Variants in ANKRD13C observed in about 807,000 individuals in gnomAD.
ANKRD13C encodes ankyrin repeat domain-containing protein 13C.
A neutral mutation model predicts 65.5 loss-of-function variants in ANKRD13C; 16 were observed. That is an observed-to-expected ratio of 0.24 (90% CI 0.17 to 0.37). ANKRD13C has a LOEUF of 0.37. ANKRD13C is among the 10% of genes least tolerant of loss of function. The probability of loss-of-function intolerance (pLI) is 1.00; values close to 1 mark genes in which losing one functional copy is unlikely to be tolerated. For synonymous variants in ANKRD13C, 235 were observed against 238.7 expected, an observed-to-expected ratio of 0.98 and a Z score of 0.14; for missense variants, 503 against 655.9, an observed-to-expected ratio of 0.77 and a Z score of 2.55.
intron 12 of ANKRD13C, 129 bp downstream of exon 12, chr1:70,270,727 C>T (rs1037833641): frequency 4.8e-6 from 3 of 620,336 alleles, no homozygotes; most frequent in African/African-American, 3.7e-5. Context: ...GTGCACCCCA[C>T]TCCTAAAAGG....
chr1:70,264,473 C>T (rs1157569664), intron 12 of ANKRD13C, among the ~76,000 whole-genome samples: 1 of 87,778 alleles, frequency 1.1e-5, no homozygotes, highest in Non-Finnish European at 2.1e-5. Context: ...AAGACTCTAT[C>T]TCAAAAAAAA....
intron 12 of ANKRD13C, among the ~76,000 whole-genome samples, chr1:70,264,804 A>C (rs762868774): frequency 4.4e-4 from 67 of 152,160 alleles, no homozygotes; most frequent in Non-Finnish European, 9.3e-4. Context: ...AAAATAAAGC[A>C]TGACAGTAGA....
intron 12 of ANKRD13C, among the ~76,000 whole-genome samples, chr1:70,264,381 C>T (rs150477232): frequency 0.017 from 2,477 of 141,898 alleles, 51 homozygotes; most frequent in African/African-American, 0.048. Context: ...AAGGCTGAGG[C>T]GGGAGAATCG....
chr1:70,302,177 C>T (rs1206302402), intron 6 of ANKRD13C, among the ~76,000 whole-genome samples: 4 of 151,942 alleles, frequency 2.6e-5, no homozygotes, highest in Non-Finnish European at 5.9e-5. Flanking sequence ...ATTAATAAAT[C>T]TAAGAATGAA....
chr1:70,276,920 T>C, intron 9 of ANKRD13C, 76 bp from the exon 10 acceptor site: 1 of 1,163,856 alleles, frequency 8.6e-7, no homozygotes, highest in South Asian at 1.4e-5. Context: ...AAGATTAAAA[T>C]ACATCGTAAA....
chr1:70,267,444 A>G (rs1678678944), intron 12 of ANKRD13C, among the ~76,000 whole-genome samples: 1 of 152,044 alleles, frequency 6.6e-6, no homozygotes, highest in Non-Finnish European at 1.5e-5. Flanking sequence ...ATCTTGGCTC[A>G]CTGCAACTTC....
intron 5 of ANKRD13C, among the ~76,000 whole-genome samples, chr1:70,309,729 A>AT (rs575249446): frequency 0.069 from 8,429 of 122,640 alleles, 245 homozygotes; most frequent in South Asian, 0.16. Context: ...AAAAAAAAAA[A>AT]AAAAATAATA....
rs556936866 is a variant in ANKRD13C, at chr1:70,286,939, C to A, written c.1215+5449G>T. 1.8e-4 allele frequency among the ~76,000 whole-genome samples: 28 copies of A among 152,100 alleles called. No individual in the cohort carries two copies. In the South Asian group the frequency reaches 5.2e-3, roughly 28 times the overall value. On this transcript the variant is annotated intron_variant, in intron 9 of 12. Coordinates refer to ENST00000370944, the MANE Select transcript of ANKRD13C (RefSeq NM_030816.5). ...AGGCAGAGTTGCAGTGAGCTGAGATCGTGCCACTGCACTCCAGCCTGGGGG... is the reference window on the plus strand; with the variant it reads ...AGGCAGAGTTGCAGTGAGCTGAGATAGTGCCACTGCACTCCAGCCTGGGGG...
chr1:70,297,056 G>T (rs916835284), intron 7 of ANKRD13C, among the ~76,000 whole-genome samples: 1 of 152,052 alleles, frequency 6.6e-6, no homozygotes, highest in Non-Finnish European at 1.5e-5. Flanking sequence ...GCAGGTATAA[G>T]ATGAGATTCT....
intron 11 of ANKRD13C, among the ~76,000 whole-genome samples, chr1:70,273,719 C>T (rs979740210): frequency 4.6e-5 from 7 of 151,560 alleles, no homozygotes; most frequent in East Asian, 1.9e-4. Flanking sequence ...TGCAGTGGCA[C>T]GATCTTGACT....
Position 70,354,518 on chromosome 1 carries a change from G to A in ANKRD13C, c.-110C>T. On this transcript the variant is annotated 5_prime_UTR_variant, in exon 1 of 13. Coordinates refer to ENST00000370944, the MANE Select transcript of ANKRD13C (RefSeq NM_030816.5). Reference sequence around the variant, plus strand: ...GCGGTGGCCAAGAGCCTCCAGCGCAGCATGAACTCCCACTGAGCCCCCGAG... The same window carrying A: ...GCGGTGGCCAAGAGCCTCCAGCGCAACATGAACTCCCACTGAGCCCCCGAG... 1 of 1,451,720 alleles carries A rather than the reference G, an allele frequency of 6.9e-7. No homozygotes were observed. Among genetic ancestry groups the A allele is most frequent in the Non-Finnish European group, 9.0e-7 (1 of 1,107,644 alleles). 89.9% of individuals were successfully genotyped at this position (1,451,720 alleles called of 1,614,324 possible).
At chr1:70,309,847 A>G (rs1337175195) in intron 5 of ANKRD13C, among the ~76,000 whole-genome samples, 1 of 151,964 alleles carries the variant, frequency 6.6e-6, no homozygotes, top group African/African-American at 2.4e-5. Context: ...CTATATGCAT[A>G]ATGCAAAATT....
At chr1:70,351,721 A>AT (rs1359278394) in intron 1 of ANKRD13C, among the ~76,000 whole-genome samples, 3 of 152,118 alleles carry the variant, frequency 2.0e-5, no homozygotes, top group Admixed American at 6.6e-5. Context: ...TGTTTAAGTG[A>AT]TTTTATAAGT....
chr1:70,320,840 AG>A (rs1377326551), intron 3 of ANKRD13C, among the ~76,000 whole-genome samples: 2 of 151,424 alleles, frequency 1.3e-5, no homozygotes, highest in East Asian at 4.0e-4. Context: ...CCCAGGTTGG[AG>A]TGCAGTGGCG....
At position 70,315,114 on chromosome 1, in the gene ANKRD13C, G is replaced by A. The variant is rs573831675; in HGVS notation, c.663+367C>T. Among the ~76,000 whole-genome samples the A allele has an allele frequency of 3.9e-5, 6 of 152,056 alleles. No individual in the cohort carries two copies. In the East Asian group the frequency reaches 9.7e-4, roughly 24 times the overall value. On this transcript the variant is annotated intron_variant, in intron 4 of 12. Transcript: ENST00000370944. ...AATTAGCTGGGCGACAGAGTGAGGC[G>A]CTGTCTCCAAAACAAACAAACAAAA...
intron 10 of ANKRD13C, 56 bp downstream of exon 10, chr1:70,276,709 T>A: frequency 7.3e-7 from 1 of 1,373,630 alleles, no homozygotes; most frequent in Non-Finnish European, 1.0e-6. Flanking sequence ...ATATTCAGTT[T>A]TTACAAATTA....
At chr1:70,343,802 T>A (rs113258031) in intron 1 of ANKRD13C, among the ~76,000 whole-genome samples, 1,626 of 152,312 alleles carry the variant, frequency 0.011, 28 homozygotes, top group African/African-American at 0.037. Context: ...CCTCCCAAAG[T>A]GCTGGGATTA....
chr1:70,305,632 C>G (rs1680555715), intron 6 of ANKRD13C: 1 of 151,810 alleles, frequency 6.6e-6, no homozygotes. Flanking sequence ...TATTATAAAG[C>G]AAAATAAAGA....
In ANKRD13C at chr1:70,344,143, CAA is replaced by C. The variant is rs1397680832; in HGVS notation, c.431-8046_431-8045del. Among the ~76,000 whole-genome samples the C allele has an allele frequency of 2.0e-5, 3 of 151,886 alleles. No individual in the cohort carries two copies. The East Asian group carries it at 5.8e-4, about 29-fold the overall frequency. ...TGAAACCCCATCTCTACTAAAAATA[CAA>C]AAATCAGCCAGGTGTGGTGGCAGGC... On this transcript the variant is annotated intron_variant, in intron 1 of 12. Transcript: ENST00000370944.
Sources: gnomAD v4.1 joint callset for allele counts (sites outside exome capture counted in the v4.1 genomes callset) on GRCh38, gnomAD v4.1.1 for gene constraint, MANE v1.5 for transcripts, NCBI Gene and HGNC (gene_info 2026-07-23, HGNC 2026-07-21) for gene names.